Variants in ZNF236 observed in about 807,000 individuals in gnomAD.
ZNF236 encodes regulated by glucose.
In ZNF236, 50 loss-of-function variants were observed where a neutral mutation model predicts 191.2. That is an observed-to-expected ratio of 0.26 (90% confidence interval 0.21 to 0.33). The LOEUF is 0.33. ZNF236 is among the 10% of genes least tolerant of loss of function. The pLI, the probability that ZNF236 is intolerant of heterozygous loss-of-function variation, is 1.00. For missense variants in ZNF236, 1,754 were observed against 2,374.5 expected, an observed-to-expected ratio of 0.74 and a Z score of 5.43; for synonymous variants, 907 against 928.8, an observed-to-expected ratio of 0.98 and a Z score of 0.43.
At chr18:76,894,344 GT>G (rs1977336933) in intron 9 of ZNF236, among the ~76,000 whole-genome samples, 3 of 152,232 alleles carry the variant, frequency 2.0e-5, no homozygotes, top group African/African-American at 7.2e-5. Flanking sequence ...TCACCACTCA[GT>G]AGCTGGCTTG....
chr18:76,968,177 G>T (rs908635009), intron 30 of ZNF236, 38 bp from the exon 31 acceptor site: 1 of 1,613,004 alleles, frequency 6.2e-7, no homozygotes, highest in Admixed American at 1.7e-5. Context: ...GCTCTGGAAG[G>T]TCTGAGGCTG....
At chr18:76,931,272 C>T (rs1050713555) in intron 25 of ZNF236, 5 of 152,104 alleles carry the variant, frequency 3.3e-5, no homozygotes, top group Admixed American at 6.6e-5. Context: ...TATAAGAGGT[C>T]GGAGCTAAAG....
At chr18:76,874,124 G>C (rs1053223891) in intron 5 of ZNF236, among the ~76,000 whole-genome samples, 1 of 151,980 alleles carries the variant, frequency 6.6e-6, no homozygotes, top group South Asian at 2.1e-4. Context: ...CCCCATGCAG[G>C]CAGAGCCGTG....
chr18:76,921,016 C>T (rs150464819), intron 20 of ZNF236, among the ~76,000 whole-genome samples: 1 of 152,292 alleles, frequency 6.6e-6, no homozygotes, highest in Non-Finnish European at 1.5e-5. Context: ...ATAAAACAAA[C>T]CGTGAAGATT....
intron 26 of ZNF236, among the ~76,000 whole-genome samples, chr18:76,943,397 C>G (rs1177856543): frequency 6.6e-6 from 1 of 152,122 alleles, no homozygotes; most frequent in African/African-American, 2.4e-5. Context: ...CCACTGAAGT[C>G]TGACAGTTTT....
At chr18:76,929,989 A>C (rs1301545197) in intron 25 of ZNF236, among the ~76,000 whole-genome samples, 2 of 152,338 alleles carry the variant, frequency 1.3e-5, no homozygotes, top group Middle Eastern at 3.4e-3. Flanking sequence ...TTACACGTTG[A>C]GTGAAAAGCA....
intron 25 of ZNF236, among the ~76,000 whole-genome samples, chr18:76,936,846 T>A (rs1968014038): frequency 6.6e-6 from 1 of 152,246 alleles, no homozygotes; most frequent in African/African-American, 2.4e-5. Flanking sequence ...AATTCTTGTC[T>A]GAGTTTTCAT....
At chr18:76,967,872 C>G (rs1209425809) in intron 30 of ZNF236, among the ~76,000 whole-genome samples, 4 of 152,088 alleles carry the variant, frequency 2.6e-5, no homozygotes, top group African/African-American at 9.7e-5. Flanking sequence ...GTAATTTTTT[C>G]TCTTTAACGT....
At chr18:76,865,542 C>T (rs1053999718) in intron 3 of ZNF236, among the ~76,000 whole-genome samples, 2 of 152,078 alleles carry the variant, frequency 1.3e-5, no homozygotes, top group African/African-American at 2.4e-5. Flanking sequence ...AAAGCCACTT[C>T]GTTTGGTAGA....
At chr18:76,915,897 A>G (rs1413714625) in intron 19 of ZNF236, 38 bp downstream of exon 19, 3 of 1,576,906 alleles carry the variant, frequency 1.9e-6, no homozygotes, top group Non-Finnish European at 1.7e-6. Flanking sequence ...TATTAACCCG[A>G]TGCTAATTTA....
In ZNF236 at chr18:76,849,459, T is replaced by C. The variant is rs1975793320; in HGVS notation, c.56-67T>C. 3.0e-6 allele frequency: 4 copies of C among 1,322,468 alleles called. No individual in the cohort carries two copies. The South Asian group carries it at 6.8e-5, about 23-fold the overall frequency. The allele number at this position is 1,322,468 out of a possible 1,614,324, so 81.9% of individuals were successfully genotyped here. On this transcript the variant is annotated intron_variant, in intron 1 of 30. Transcript: ENST00000320610. Reference sequence around the variant, plus strand: ...TTGGTTTTTAAACAATAACCAATAATTTGGTTTTATTTATGTGATGAGAAT... The same window carrying C: ...TTGGTTTTTAAACAATAACCAATAACTTGGTTTTATTTATGTGATGAGAAT...
intron 11 of ZNF236, among the ~76,000 whole-genome samples, chr18:76,900,982 C>T (rs1977573614): frequency 6.6e-6 from 1 of 152,156 alleles, no homozygotes. Context: ...ATGCACAGTG[C>T]ACAATAGGGT....
rs373910373 is a variant in ZNF236, at chr18:76,899,153, C to T, written c.1825C>T (p.Arg609Cys). Residue 609 changes from arginine to cysteine, a missense_variant, in exon 11 of 31, where the codon CGT (arginine) becomes TGT (cysteine). Transcript: ENST00000320610. ...MRHQRKPAKV[R>C]VGKTNIPVPD... is the part of the protein sequence containing the mutation. ...GCACCAGCGTAAACCTGCAAAGGTC[C>T]GTGTTGGCAAGACGAATATTCCAGT... 25 of 1,614,130 alleles carry T rather than the reference C, an allele frequency of 1.5e-5. No homozygotes were observed. The highest frequency in any genetic ancestry group is 1.4e-4 in the South Asian group (13 of 91,080).
chr18:76,955,981 C>T lies in ZNF236; in HGVS notation c.4915-4C>T. 1 of 1,606,454 alleles carries T rather than the reference C, an allele frequency of 6.2e-7. No homozygotes were observed. The highest frequency in any genetic ancestry group is 8.5e-7 in the Non-Finnish European group (1 of 1,177,790). ...GGAAAGTCACAATTTCTGGCTCTTT[C>T]CAGGTAGCTGGCGTCTCTGGGAACC... On this transcript the variant is annotated splice_polypyrimidine_tract_variant and splice_region_variant and intron_variant, in intron 27 of 30. Transcript: ENST00000320610.
chr18:76,950,221 A>G (rs1011071334), intron 27 of ZNF236, among the ~76,000 whole-genome samples: 26 of 152,192 alleles, frequency 1.7e-4, no homozygotes, highest in African/African-American at 6.3e-4. Context: ...GCATGCAATG[A>G]TGTTTGATAG....
At chr18:76,852,651 A>G (rs2122520252) in intron 3 of ZNF236, among the ~76,000 whole-genome samples, 1 of 152,130 alleles carries the variant, frequency 6.6e-6, no homozygotes, top group Middle Eastern at 3.4e-3. Context: ...AAAAAAAAAG[A>G]AAAAGAAAAC....
intron 1 of ZNF236, chr18:76,824,117 G>A: frequency 1.8e-6 from 1 of 570,030 alleles, no homozygotes; most frequent in Admixed American, 3.0e-5. Flanking sequence ...GCTCATTAAA[G>A]AGCTTGTGAC....
chr18:76,935,892 A>G (rs1025138876), intron 25 of ZNF236: 118 of 446,990 alleles, frequency 2.6e-4, no homozygotes, highest in South Asian at 1.8e-3. Context: ...AGCAGGCGGG[A>G]GGGTCTGACC....
intron 27 of ZNF236, among the ~76,000 whole-genome samples, chr18:76,955,685 G>GC (rs1968506291): frequency 6.6e-6 from 1 of 152,180 alleles, no homozygotes; most frequent in Non-Finnish European, 1.5e-5. Context: ...TAAGTACTTA[G>GC]CCCAGAGTAG....
Sources: gnomAD v4.1 joint callset for allele counts (sites outside exome capture counted in the v4.1 genomes callset) on GRCh38, gnomAD v4.1.1 for gene constraint, MANE v1.5 for transcripts, NCBI Gene and HGNC (gene_info 2026-07-23, HGNC 2026-07-21) for gene names.